The following PRAG1 variants were observed in gnomAD, a reference collection of about 807,000 sequenced individuals.
The protein encoded by PRAG1 is inactive tyrosine-protein kinase PRAG1.
Under a neutral mutation model 95.6 loss-of-function variants are expected in PRAG1, and 110 were observed. The observed-to-expected ratio is 1.15, with a 90% confidence interval of 0.99 to 1.35. The LOEUF (loss-of-function observed/expected upper bound fraction) is 1.35, where lower values mean the gene tolerates loss of function less well. Among genes scored for constraint, PRAG1 ranks in the 40% most tolerant of loss-of-function variants. PRAG1 has a pLI of 0.00. For missense variants in PRAG1, 2,554 were observed against 1,864.7 expected, an observed-to-expected ratio of 1.37 and a Z score of -6.81; for synonymous variants, 1,052 against 819.4, an observed-to-expected ratio of 1.28 and a Z score of -4.85.
intron 3 of PRAG1, among the ~76,000 whole-genome samples, chr8:8,340,709 C>T (rs2945913): frequency 0.13 from 20,091 of 152,222 alleles, 1,592 homozygotes; most frequent in East Asian, 0.27. Context: ...TTCATAGTCA[C>T]GGGAATCCCC....
At chr8:8,350,121 C>G (rs142636980) in intron 3 of PRAG1, among the ~76,000 whole-genome samples, 19 of 152,218 alleles carry the variant, frequency 1.2e-4, no homozygotes, top group African/African-American at 4.6e-4. Flanking sequence ...TTAAAGATGA[C>G]AATTCAGATT....
chr8:8,329,825 G>T (rs1386761188), intron 4 of PRAG1, among the ~76,000 whole-genome samples: 1 of 152,162 alleles, frequency 6.6e-6, no homozygotes, highest in Non-Finnish European at 1.5e-5. Context: ...GGTCTCTCTA[G>T]GGAGCAAGAT....
intron 2 of PRAG1, 48 bp from the exon 3 acceptor site, chr8:8,378,126 GA>G: frequency 6.7e-7 from 1 of 1,499,992 alleles, no homozygotes. Flanking sequence ...ACTTGTCATA[GA>G]AAAAAGAGAG....
chr8:8,340,959 T>A (rs1252058657), intron 3 of PRAG1, among the ~76,000 whole-genome samples: 4 of 152,250 alleles, frequency 2.6e-5, no homozygotes, highest in Non-Finnish European at 5.9e-5. Context: ...CAGTAGCTGA[T>A]CCTTGCCTAA....
intron 3 of PRAG1, among the ~76,000 whole-genome samples, chr8:8,349,515 C>G (rs1322138654): frequency 6.6e-6 from 1 of 152,018 alleles, no homozygotes; most frequent in African/African-American, 2.4e-5. Context: ...ATCTCCTGAC[C>G]TCGTGATCCA....
intron 2 of PRAG1, among the ~76,000 whole-genome samples, chr8:8,379,335 C>T (rs1800555904): frequency 6.6e-6 from 1 of 152,198 alleles, no homozygotes; most frequent in African/African-American, 2.4e-5. Context: ...TCACCGTTTC[C>T]TCCTCCTTCT....
chr8:8,333,693 G>C (rs1025796534), intron 4 of PRAG1, among the ~76,000 whole-genome samples: 1 of 152,184 alleles, frequency 6.6e-6, no homozygotes, highest in African/African-American at 2.4e-5. Flanking sequence ...TCCTGTTTTG[G>C]CTCTTTCTTT....
In PRAG1 at chr8:8,376,661, A is replaced by C; in HGVS notation, c.1748T>G (p.Ile583Ser). Residue 583 changes from isoleucine to serine, a missense_variant, in exon 3 of 6, where the codon ATT becomes AGT. By Grantham distance (142) the Ile-to-Ser change is moderately radical (BLOSUM62 -2). Transcript: ENST00000615670. ...ACCTTGGGATGGAGGCTGGGGCCCA[A>C]TGCTGCTGCCGCCAGAGCTCCCATC... Reference protein sequence around the residue: ...LSDGSSGGSSIGPQPPSQGPA... With the variant: ...LSDGSSGGSSSGPQPPSQGPA... 6.2e-7 allele frequency: 1 copy of C among 1,610,698 alleles called. No individual in the cohort carries two copies. The highest frequency in any genetic ancestry group is 8.5e-7 in the Non-Finnish European group (1 of 1,179,090).
At position 8,376,767 on chromosome 8, in the gene PRAG1, A is replaced by C; in HGVS notation, c.1642T>G (p.Leu548Val). Reference sequence around the variant, plus strand: ...GACCCTACAGGGCTACTCTTGGACAACTTGGGGGGAATGGCGGGCCTCTCC... The same window carrying C: ...GACCCTACAGGGCTACTCTTGGACACCTTGGGGGGAATGGCGGGCCTCTCC... ...PKERPAIPPKLSKSSPVGSPV... is the reference protein window; with the variant it reads ...PKERPAIPPKVSKSSPVGSPV... Residue 548 changes from leucine (L) to valine (V), a missense_variant, in exon 3 of 6, where the codon TTG (leucine) becomes GTG (valine). Coordinates refer to ENST00000615670, the MANE Select transcript of PRAG1 (RefSeq NM_001080826.3). The C allele has an allele frequency of 6.2e-7, 1 of 1,610,650 alleles. No individual in the cohort carries two copies. Among genetic ancestry groups the C allele is most frequent in the Non-Finnish European group, 8.5e-7 (1 of 1,179,930 alleles).
intron 4 of PRAG1, among the ~76,000 whole-genome samples, chr8:8,336,852 T>C (rs1433878452): frequency 6.6e-6 from 1 of 151,950 alleles, no homozygotes; most frequent in Non-Finnish European, 1.5e-5. Flanking sequence ...AGATTTCTAT[T>C]AGGGTTTTCC....
intron 4 of PRAG1, among the ~76,000 whole-genome samples, chr8:8,334,549 A>G (rs1425544873): frequency 2.0e-5 from 3 of 151,826 alleles, no homozygotes; most frequent in African/African-American, 7.3e-5. Flanking sequence ...AAAATGTGGC[A>G]TTTGTGAGGA....
At chr8:8,339,394 C>G in intron 4 of PRAG1, 84 bp downstream of exon 4, 1 of 1,441,706 alleles carries the variant, frequency 6.9e-7, no homozygotes, top group Non-Finnish European at 9.6e-7. Flanking sequence ...CCTTGCTCAG[C>G]CCTTCCAATC....
intron 5 of PRAG1, among the ~76,000 whole-genome samples, chr8:8,322,393 G>A (rs1798502511): frequency 6.6e-6 from 1 of 152,048 alleles, no homozygotes; most frequent in Non-Finnish European, 1.5e-5. Flanking sequence ...TGTTGCCCAG[G>A]CTGGTCTCGA....
chr8:8,345,113 C>CA (rs1799292706), intron 3 of PRAG1, among the ~76,000 whole-genome samples: 1 of 144,412 alleles, frequency 6.9e-6, no homozygotes, highest in African/African-American at 2.6e-5. Context: ...GGGAGCCTCC[C>CA]AAAGTGGACT....
intron 4 of PRAG1, among the ~76,000 whole-genome samples, chr8:8,336,411 G>T (rs1395428151): frequency 6.6e-6 from 1 of 152,136 alleles, no homozygotes; most frequent in Non-Finnish European, 1.5e-5. Context: ...TCATGGATCT[G>T]TCCTGACACA....
At chr8:8,344,110 T>G (rs1799257654) in intron 3 of PRAG1, among the ~76,000 whole-genome samples, 1 of 152,188 alleles carries the variant, frequency 6.6e-6, no homozygotes, top group Non-Finnish European at 1.5e-5. Flanking sequence ...CAATTCTGAC[T>G]AACCACATTT....
At chr8:8,358,000 T>C (rs947999219) in intron 3 of PRAG1, among the ~76,000 whole-genome samples, 1 of 152,200 alleles carries the variant, frequency 6.6e-6, no homozygotes, top group Non-Finnish European at 1.5e-5. Context: ...TGACACTATC[T>C]ACCTAGAGGT....
In PRAG1 at chr8:8,320,937, C is replaced by T. The variant is rs184624572; in HGVS notation, c.3073-1635G>A. Among the ~76,000 whole-genome samples, 159 of 152,298 alleles carry T rather than the reference C, an allele frequency of 1.0e-3. 1 individual carries two copies. The highest frequency in any genetic ancestry group is 3.7e-3 in the African/African-American group (155 of 41,542). ...TAATTGTCGGGAATGGTGGGTAACA[C>T]ATTAATTTAGTAATCTGTCTATTAT... On this transcript the variant is annotated intron_variant, in intron 5 of 5. Transcript: ENST00000615670.
chr8:8,322,137 C>G (rs1480131239), intron 5 of PRAG1, among the ~76,000 whole-genome samples: 1 of 152,148 alleles, frequency 6.6e-6, no homozygotes, highest in East Asian at 1.9e-4. Flanking sequence ...GCACTTCAGC[C>G]CTATGCTTCG....
Sources: gnomAD v4.1 joint callset for allele counts (sites outside exome capture counted in the v4.1 genomes callset) on GRCh38, gnomAD v4.1.1 for gene constraint, MANE v1.5 for transcripts, NCBI Gene and HGNC (gene_info 2026-07-23, HGNC 2026-07-21) for gene names.